SND1: variants seen among roughly 807,000 people sequenced by gnomAD.
SND1 encodes staphylococcal nuclease and tudor domain containing 1.
Under a neutral mutation model 121.7 loss-of-function variants are expected in SND1, and 38 were observed. The observed-to-expected ratio is 0.31, with a 90% confidence interval of 0.24 to 0.41. SND1 has a LOEUF of 0.41. Ranked by LOEUF, SND1 falls within the 10% of genes least tolerant of loss-of-function variation. SND1 has a pLI of 1.00. For synonymous variants in SND1, 401 were observed against 447.4 expected (o/e 0.90, Z 1.31); for missense variants, 868 against 1,184.6 (o/e 0.73, Z 3.92).
At position 127,652,444 on chromosome 7, in the gene SND1, T is replaced by C; in HGVS notation, c.71T>C (p.Ile24Thr). 1 of 1,577,702 alleles carries C rather than the reference T, an allele frequency of 6.3e-7. No homozygotes were observed. The highest frequency in any genetic ancestry group is 8.6e-7 in the Non-Finnish European group (1 of 1,161,582). The change falls in exon 1 of 24, where the codon ATC becomes ACC. Residue 24 changes from isoleucine to threonine, a missense_variant. Around this residue, in one of 2 missense-constraint regions of SND1, gnomAD observed 125 missense variants for 113.3 expected, o/e 1.10. Coordinates refer to ENST00000354725, the MANE Select transcript of SND1 (RefSeq NM_014390.4). ...GTCCCCACCGTGCAGCGGGGCATCA[T>C]CAAGATGGTGAGAACGGGCCCCGGA... ...PAVPTVQRGI[I>T]KMVLSGCAII... is the part of the protein sequence containing the mutation.
intron 16 of SND1, chr7:128,030,747 A>G (rs2116986228): frequency 2.9e-6 from 4 of 1,389,200 alleles, no homozygotes; most frequent in Non-Finnish European, 3.9e-6. Flanking sequence ...CCATCTGGAG[A>G]AGGAGGTGGG....
intron 14 of SND1, among the ~76,000 whole-genome samples, chr7:127,922,577 C>A (rs1377123270): frequency 6.6e-6 from 1 of 152,070 alleles, no homozygotes; most frequent in Non-Finnish European, 1.5e-5. Flanking sequence ...GCTCCTTAAA[C>A]TCTTAGATGA....
intron 16 of SND1, among the ~76,000 whole-genome samples, chr7:128,060,970 A>G (rs1314061927): frequency 6.6e-6 from 1 of 152,148 alleles, no homozygotes; most frequent in African/African-American, 2.4e-5. Context: ...AAAGCAGTGC[A>G]TGTATCAGTG....
chr7:127,659,632 G>A (rs993013184), intron 1 of SND1, among the ~76,000 whole-genome samples: 1 of 152,164 alleles, frequency 6.6e-6, no homozygotes, highest in East Asian at 1.9e-4. Context: ...TGTATATCAA[G>A]AGGAATAAAG....
chr7:127,686,744 A>C lies in SND1; in HGVS notation c.210A>C (p.Ala70=). The C allele has an allele frequency of 6.2e-7, 1 of 1,614,154 alleles. No homozygotes were observed. ...GGGCAGCCGCCACACAACCTGATGCAAAGGATACCCCTGATGAGGTAGGTG... is the reference window on the plus strand; with the variant it reads ...GGGCAGCCGCCACACAACCTGATGCCAAGGATACCCCTGATGAGGTAGGTG... ...ARRAAATQPD[A]KDTPDEPWAF... is the part of the protein sequence containing the mutation. Residue 70 remains alanine (A), a synonymous_variant, in exon 2 of 24, where the codon GCA becomes GCC. Transcript: ENST00000354725.
At chr7:128,006,466 G>C (rs1802979311) in intron 16 of SND1, among the ~76,000 whole-genome samples, 1 of 152,198 alleles carries the variant, frequency 6.6e-6, no homozygotes, top group Admixed American at 6.5e-5. Context: ...TTTAAAAACT[G>C]TGCATTGCGA....
intron 11 of SND1, among the ~76,000 whole-genome samples, chr7:127,832,471 A>G (rs1798758437): frequency 6.6e-6 from 1 of 152,248 alleles, no homozygotes; most frequent in South Asian, 2.1e-4. Context: ...AGAGAAGTAG[A>G]TAAAGGTGGG....
chr7:127,773,451 C>CA (rs879613987), intron 10 of SND1, among the ~76,000 whole-genome samples: 2,601 of 102,498 alleles, frequency 0.025, 18 homozygotes, highest in African/African-American at 0.032. Context: ...GACTCCGTCT[C>CA]AAAAAAAAAA....
intron 15 of SND1, among the ~76,000 whole-genome samples, chr7:127,950,192 G>T (rs1801429401): frequency 2.0e-5 from 3 of 152,158 alleles, no homozygotes; most frequent in Admixed American, 6.5e-5. Flanking sequence ...CTTTTGAGAA[G>T]AAAGGGCCTA....
chr7:127,662,115 C>CA lies in SND1; in HGVS notation c.78+9676dup, dbSNP rs769293226. ...TGGGCGGCAGAGGAAGACACAGTCT[C>CA]AAAAAAAAAAAATCTCTCTCTCTCT... On this transcript the variant is annotated intron_variant, in intron 1 of 23. Transcript: ENST00000354725. Among the ~76,000 whole-genome samples, 512 of 145,518 alleles carry CA rather than the reference C, an allele frequency of 3.5e-3. 1 individual carries two copies. The highest frequency in any genetic ancestry group is 8.0e-3 in the African/African-American group (318 of 39,906).
chr7:127,789,666 C>T (rs1471925639), intron 10 of SND1, among the ~76,000 whole-genome samples: 2 of 152,278 alleles, frequency 1.3e-5, no homozygotes, highest in East Asian at 3.9e-4. Flanking sequence ...TCCCTAAAGC[C>T]TCATCTTCAA....
intron 16 of SND1, among the ~76,000 whole-genome samples, chr7:128,018,638 C>T (rs1803280456): frequency 1.3e-5 from 2 of 152,296 alleles, no homozygotes; most frequent in South Asian, 4.1e-4. Context: ...GTCTGCACTG[C>T]AGGCTCTCTG....
At chr7:127,684,614 T>G (rs1205034840) in intron 1 of SND1, among the ~76,000 whole-genome samples, 1 of 152,242 alleles carries the variant, frequency 6.6e-6, no homozygotes, top group Non-Finnish European at 1.5e-5. Flanking sequence ...TTTGAGAGCT[T>G]ATCTTTTGGA....
In SND1 at chr7:128,052,576, GTGTATCTGCA is replaced by G. The variant is rs1042287194; in HGVS notation, c.1780-21923_1780-21914del. Among the ~76,000 whole-genome samples, 2 of 152,264 alleles carry G rather than the reference GTGTATCTGCA, an allele frequency of 1.3e-5. No individual in the cohort carries two copies. Among genetic ancestry groups the G allele is most frequent in the Non-Finnish European group, 2.9e-5 (2 of 68,044 alleles). On this transcript the variant is annotated intron_variant, in intron 16 of 23. Coordinates refer to ENST00000354725, the MANE Select transcript of SND1 (RefSeq NM_014390.4). This position sits in a 1 kb window ranked among gnomAD's most constrained non-coding sequence, Gnocchi z 4.6. Reference sequence around the variant, plus strand: ...TCACGGATGTTGACGAGGCCTGTGTGTGTATCTGCATGCTCACACCGCAGCCTGATCGATG... The same window carrying G: ...TCACGGATGTTGACGAGGCCTGTGTGTGCTCACACCGCAGCCTGATCGATG...
In SND1 at chr7:128,029,497, C is replaced by G; in HGVS notation, c.1779+38441C>G. On this transcript the variant is annotated intron_variant, in intron 16 of 23. Transcript: ENST00000354725. The surrounding 1 kb of genome is among the most constrained non-coding windows in gnomAD (Gnocchi z 4.2). ...GTCCCATTGGGCAGCAACCACTTCA[C>G]GGAGGACATAGGGGGAGTCCGACAC... 6.2e-7 allele frequency: 1 copy of G among 1,614,076 alleles called. No homozygotes were observed. The highest frequency in any genetic ancestry group is 2.2e-5 in the East Asian group (1 of 44,880).
intron 11 of SND1, among the ~76,000 whole-genome samples, chr7:127,810,540 C>T (rs758301010): frequency 3.3e-5 from 5 of 152,196 alleles, no homozygotes; most frequent in Non-Finnish European, 5.9e-5. Flanking sequence ...ATAACTTTAA[C>T]ATGTTTTCTG....
chr7:127,925,483 A>T (rs966265796), intron 14 of SND1, among the ~76,000 whole-genome samples: 1 of 152,184 alleles, frequency 6.6e-6, no homozygotes, highest in Non-Finnish European at 1.5e-5. Flanking sequence ...TAGCATATAG[A>T]TACATAAGCA....
At chr7:127,712,759 TA>T (rs2116367325) in intron 9 of SND1, among the ~76,000 whole-genome samples, 1 of 152,348 alleles carries the variant, frequency 6.6e-6, no homozygotes, top group East Asian at 1.9e-4. Context: ...GGCTTATGTA[TA>T]GATACGTTTT....
At chr7:127,903,567 C>T (rs564585884) in intron 13 of SND1, among the ~76,000 whole-genome samples, 1 of 152,064 alleles carries the variant, frequency 6.6e-6, no homozygotes, top group African/African-American at 2.4e-5. Flanking sequence ...GGGACACATC[C>T]CCTGGGATGA....
Sources: gnomAD v4.1 joint callset for allele counts (sites outside exome capture counted in the v4.1 genomes callset) on GRCh38, gnomAD v4.1.1 for gene constraint, gnomAD v4.1.1 regional missense constraint, Gnocchi (gnomAD v3.1) non-coding constraint, MANE v1.5 for transcripts, NCBI Gene and HGNC (gene_info 2026-07-23, HGNC 2026-07-21) for gene names.